The following GLCE variants were observed in gnomAD, a reference collection of about 807,000 sequenced individuals.
GLCE encodes the protein glucuronic acid epimerase.
In GLCE, 19 loss-of-function variants were observed where a neutral mutation model predicts 47.9. That is an observed-to-expected ratio of 0.40 (90% CI 0.28 to 0.58). The LOEUF (loss-of-function observed/expected upper bound fraction) is 0.58, where lower values mean the gene tolerates loss of function less well. GLCE is among the 20% of genes least tolerant of loss of function. The probability of loss-of-function intolerance (pLI) is 0.48; values close to 1 mark genes in which losing one functional copy is unlikely to be tolerated. For synonymous variants in GLCE, 245 were observed against 263.4 expected, an observed-to-expected ratio of 0.93 and a Z score of 0.68; for missense variants, 556 against 743.3, an observed-to-expected ratio of 0.75 and a Z score of 2.93.
At chr15:69,254,183 C>A (rs1467271756) in intron 2 of GLCE, among the ~76,000 whole-genome samples, 1 of 152,116 alleles carries the variant, frequency 6.6e-6, no homozygotes, top group Non-Finnish European at 1.5e-5. Context: ...TTACAGAGCT[C>A]CTGTGGCAAA....
chr15:69,207,619 T>C (rs1379578458), intron 1 of GLCE, among the ~76,000 whole-genome samples: 2 of 152,150 alleles, frequency 1.3e-5, no homozygotes, highest in Non-Finnish European at 2.9e-5. Flanking sequence ...TTTTATTGTA[T>C]AGGAATACCA....
chr15:69,183,805 G>T (rs1595741646), intron 1 of GLCE, among the ~76,000 whole-genome samples: 1 of 152,302 alleles, frequency 6.6e-6, no homozygotes, highest in Middle Eastern at 3.4e-3. Flanking sequence ...AGGTCAGTAG[G>T]ATCAAGAAGA....
chr15:69,238,985 G>A (rs1328566687), intron 2 of GLCE, among the ~76,000 whole-genome samples: 2 of 152,170 alleles, frequency 1.3e-5, no homozygotes, highest in African/African-American at 4.8e-5. Flanking sequence ...GGCGACATGG[G>A]GAGAGAGTGA....
intron 2 of GLCE, among the ~76,000 whole-genome samples, chr15:69,227,929 G>C (rs2052472041): frequency 6.6e-6 from 1 of 152,162 alleles, no homozygotes; most frequent in Admixed American, 6.6e-5. Flanking sequence ...TAGGTAAGTT[G>C]CATGTTTTCT....
chr15:69,262,639 T>C (rs572845256), intron 4 of GLCE, among the ~76,000 whole-genome samples: 1 of 152,120 alleles, frequency 6.6e-6, no homozygotes, highest in Non-Finnish European at 1.5e-5. Flanking sequence ...CTTTGAGTAA[T>C]ACAAAAGATA....
chr15:69,211,477 T>C (rs756869574), intron 2 of GLCE, among the ~76,000 whole-genome samples: 3 of 151,824 alleles, frequency 2.0e-5, no homozygotes, highest in Non-Finnish European at 4.4e-5. Flanking sequence ...AAAGTTGGAG[T>C]TACGTTTCTC....
At chr15:69,255,284 C>T (rs1240220502) in intron 2 of GLCE, among the ~76,000 whole-genome samples, 12 of 152,052 alleles carry the variant, frequency 7.9e-5, no homozygotes, top group African/African-American at 1.2e-4. Flanking sequence ...GTTCAGAAAT[C>T]GAAAATACAA....
At chr15:69,245,523 T>C (rs1204883082) in intron 2 of GLCE, among the ~76,000 whole-genome samples, 1 of 152,164 alleles carries the variant, frequency 6.6e-6, no homozygotes, top group Non-Finnish European at 1.5e-5. Context: ...TGGGAATTTC[T>C]TAAAATAAGA....
intron 2 of GLCE, among the ~76,000 whole-genome samples, chr15:69,228,245 G>T (rs1437120962): frequency 6.6e-6 from 1 of 152,174 alleles, no homozygotes; most frequent in East Asian, 1.9e-4. Flanking sequence ...GACAGAAAGG[G>T]TAAATATATA....
At chr15:69,209,007 T>A (rs897936443) in intron 1 of GLCE, among the ~76,000 whole-genome samples, 1 of 152,102 alleles carries the variant, frequency 6.6e-6, no homozygotes, top group African/African-American at 2.4e-5. Flanking sequence ...TTTTTATTCA[T>A]CTGTAGTAAG....
chr15:69,171,383 AC>A (rs2051585578), intron 1 of GLCE, among the ~76,000 whole-genome samples: 1 of 150,440 alleles, frequency 6.6e-6, no homozygotes, highest in African/African-American at 2.4e-5. Flanking sequence ...AAAGATATTT[AC>A]TTTTGGGATA....
At chr15:69,177,110 C>T (rs1017751486) in intron 1 of GLCE, among the ~76,000 whole-genome samples, 3 of 151,614 alleles carry the variant, frequency 2.0e-5, no homozygotes, top group African/African-American at 2.4e-5. Flanking sequence ...ACCTTTGCCT[C>T]CTGGGTTCAA....
chr15:69,178,639 T>A (rs1187670513), intron 1 of GLCE, among the ~76,000 whole-genome samples: 1 of 152,112 alleles, frequency 6.6e-6, no homozygotes, highest in Non-Finnish European at 1.5e-5. Flanking sequence ...ATTATCAGAT[T>A]GACAAGGATT....
At chr15:69,263,606 T>C (rs900450384) in intron 4 of GLCE, among the ~76,000 whole-genome samples, 2 of 152,190 alleles carry the variant, frequency 1.3e-5, no homozygotes, top group Non-Finnish European at 2.9e-5. Flanking sequence ...AGGCCTGTCC[T>C]ACTCTATTAA....
Position 69,261,274 on chromosome 15 carries a change from G to C in GLCE, c.774G>C (p.Met258Ile), listed in dbSNP as rs769921588. Residue 258 changes from methionine (M) to isoleucine (I), a missense_variant, in exon 4 of 5, where the codon ATG becomes ATC. Physicochemically the swap from Met to Ile is conservative, Grantham distance 10. Coordinates refer to ENST00000261858, the MANE Select transcript of GLCE (RefSeq NM_015554.3). Reference sequence around the variant, plus strand: ...GGACTGTGCCAAAGGGCTGCTTTATGGCGAATGTGGCTGATAAGTCTAGAT... The same window carrying C: ...GGACTGTGCCAAAGGGCTGCTTTATCGCGAATGTGGCTGATAAGTCTAGAT... ...NDWTVPKGCF[M>I]ANVADKSRFT... 8.7e-6 allele frequency: 14 copies of C among 1,613,914 alleles called. No homozygotes were observed. The Middle Eastern group carries it at 4.9e-4, about 57-fold the overall frequency.
At chr15:69,251,756 GT>G (rs1308168434) in intron 2 of GLCE, among the ~76,000 whole-genome samples, 2 of 151,986 alleles carry the variant, frequency 1.3e-5, no homozygotes, top group East Asian at 1.9e-4. Context: ...GCTTCGTTGT[GT>G]TTCAGTCTAC....
At chr15:69,218,894 ACTTT>A (rs1555405307) in intron 2 of GLCE, among the ~76,000 whole-genome samples, 3 of 152,178 alleles carry the variant, frequency 2.0e-5, no homozygotes, top group Non-Finnish European at 4.4e-5. Flanking sequence ...TGCAAATGTA[ACTTT>A]CTGATAGTCC....
intron 2 of GLCE, among the ~76,000 whole-genome samples, chr15:69,224,498 T>C (rs1566961052): frequency 6.6e-6 from 1 of 152,134 alleles, no homozygotes. Context: ...CTGGAAGTCA[T>C]TTCAGGGGAG....
intron 1 of GLCE, among the ~76,000 whole-genome samples, chr15:69,206,794 G>T (rs1343860075): frequency 6.6e-6 from 1 of 151,968 alleles, no homozygotes; most frequent in Non-Finnish European, 1.5e-5. Context: ...TAGATCCATT[G>T]TCTCTCTGGG....
Sources: gnomAD v4.1 joint callset for allele counts (sites outside exome capture counted in the v4.1 genomes callset) on GRCh38, gnomAD v4.1.1 for gene constraint, MANE v1.5 for transcripts, NCBI Gene and HGNC (gene_info 2026-07-23, HGNC 2026-07-21) for gene names.